The following TRPC5 variants were observed in gnomAD, a reference collection of about 807,000 sequenced individuals.
TRPC5 encodes the protein transient receptor potential cation channel subfamily C member 5.
In TRPC5, 9 loss-of-function variants were observed where a neutral mutation model predicts 56.5. The observed-to-expected ratio is 0.16, with a 90% confidence interval of 0.10 to 0.28. The LOEUF (loss-of-function observed/expected upper bound fraction) is 0.28. Among genes scored for constraint, TRPC5 ranks in the 10% least tolerant of loss-of-function variants. TRPC5 has a pLI of 1.00. For synonymous variants in TRPC5, 282 were observed against 278.5 expected (o/e 1.01, Z -0.13); for missense variants, 469 against 748.9 (o/e 0.63, Z 4.36).
At chrX:111,853,227 G>A (rs910678568) in intron 4 of TRPC5, among the ~76,000 whole-genome samples, 1 of 111,508 alleles carries the variant, frequency 9.0e-6, no homozygotes, top group African/African-American at 3.3e-5. Context: ...GCCATGTGTT[G>A]AAGAGTCCAG....
intron 1 of TRPC5, among the ~76,000 whole-genome samples, chrX:111,969,387 C>G (rs1263555601): frequency 2.7e-5 from 3 of 111,990 alleles, no homozygotes; most frequent in Non-Finnish European, 3.8e-5. Context: ...CCCTCAATAC[C>G]TCCGAGGTAT....
chrX:112,077,682 T>A (rs773238549), intron 1 of TRPC5, among the ~76,000 whole-genome samples: 1 of 111,846 alleles, frequency 8.9e-6, no homozygotes, highest in South Asian at 3.8e-4. Flanking sequence ...GTTTTTCAGA[T>A]CATCCTTCTG....
chrX:112,059,886 A>T (rs1569530372), intron 1 of TRPC5, among the ~76,000 whole-genome samples: 1 of 111,997 alleles, frequency 8.9e-6, no homozygotes, highest in African/African-American at 3.2e-5. Context: ...AAGGGAAGTG[A>T]TATTAAGGTA....
At chrX:111,781,323 CT>C in intron 8 of TRPC5, 117 bp from the exon 9 acceptor site, 1 of 616,082 alleles carries the variant, frequency 1.6e-6, no homozygotes, top group Admixed American at 2.9e-5. Flanking sequence ...ACAGGAGCTC[CT>C]GCCTGACAAA....
At chrX:112,049,462 TAC>T (rs1348169915) in intron 1 of TRPC5, among the ~76,000 whole-genome samples, 1 of 107,038 alleles carries the variant, frequency 9.3e-6, no homozygotes, top group African/African-American at 3.4e-5. Flanking sequence ...CACATATATA[TAC>T]TATACAAAAT....
At chrX:111,835,844 T>C (rs898232924) in intron 6 of TRPC5, among the ~76,000 whole-genome samples, 2 of 111,921 alleles carry the variant, frequency 1.8e-5, no homozygotes, top group African/African-American at 6.5e-5. Flanking sequence ...ATGGAGGAGC[T>C]TGAGGATTCT....
At chrX:112,010,272 G>A (rs1928956715) in intron 1 of TRPC5, among the ~76,000 whole-genome samples, 1 of 112,140 alleles carries the variant, frequency 8.9e-6, no homozygotes, top group Non-Finnish European at 1.9e-5. Flanking sequence ...ATCGTAGCCT[G>A]GTCAAATCCT....
intron 1 of TRPC5, among the ~76,000 whole-genome samples, chrX:111,956,572 G>A (rs1162884218): frequency 9.0e-6 from 1 of 111,457 alleles, no homozygotes; most frequent in African/African-American, 3.3e-5. Context: ...TCCAAAAAGT[G>A]CCTATAGTGG....
chrX:111,812,884 C>G lies in TRPC5; in HGVS notation c.1896+22037G>C, dbSNP rs996711775. 2.7e-5 allele frequency among the ~76,000 whole-genome samples: 3 copies of G among 112,050 alleles called. No individual in the cohort carries two copies. The Admixed American group carries it at 2.8e-4, about 11-fold the overall frequency. ...ATAGAAATCTGTTTTATTTATAACC[C>G]TTGATTTAAACTGAATTATAACATT... On this transcript the variant is annotated intron_variant, in intron 7 of 10. Transcript: ENST00000262839.
intron 1 of TRPC5, among the ~76,000 whole-genome samples, chrX:112,038,049 T>C (rs1373697931): frequency 2.7e-5 from 3 of 111,341 alleles, no homozygotes; most frequent in Non-Finnish European, 5.7e-5. Context: ...GGCAAAACCA[T>C]GCACATGTAT....
At chrX:111,820,446 G>A (rs1283660157) in intron 7 of TRPC5, among the ~76,000 whole-genome samples, 1 of 111,849 alleles carries the variant, frequency 8.9e-6, no homozygotes, top group African/African-American at 3.2e-5. Flanking sequence ...TTGCCCATGA[G>A]CTAAGAATGA....
At chrX:111,853,709 T>C (rs1603057749) in intron 4 of TRPC5, 61 bp downstream of exon 4, 1 of 1,095,579 alleles carries the variant, frequency 9.1e-7, no homozygotes, top group Non-Finnish European at 1.2e-6. Context: ...CCTGTTCTAG[T>C]AGTTTATTTA....
intron 7 of TRPC5, among the ~76,000 whole-genome samples, chrX:111,831,494 G>T (rs1922406061): frequency 9.0e-6 from 1 of 111,565 alleles, no homozygotes; most frequent in African/African-American, 3.3e-5. Flanking sequence ...ATCTTGTGTT[G>T]CCAGGTTTGT....
intron 2 of TRPC5, among the ~76,000 whole-genome samples, chrX:111,918,971 C>T (rs918976189): frequency 4.6e-5 from 5 of 109,512 alleles, no homozygotes; most frequent in South Asian, 3.9e-4. Context: ...AGTGATGACA[C>T]GTATTGGGCT....
intron 1 of TRPC5, among the ~76,000 whole-genome samples, chrX:112,045,386 G>C (rs964264469): frequency 1.8e-5 from 2 of 111,752 alleles, no homozygotes; most frequent in African/African-American, 6.5e-5. Flanking sequence ...TTTTCCCCTA[G>C]AGCCTCTGGA....
In TRPC5 at chrX:111,774,858, C is replaced by T. The variant is rs939701727; in HGVS notation, c.*1455G>A. On this transcript the variant is annotated 3_prime_UTR_variant, in exon 11 of 11. Coordinates refer to ENST00000262839, the MANE Select transcript of TRPC5 (RefSeq NM_012471.3). Reference sequence around the variant, plus strand: ...ACCTATTTTACTTTTCTGGGCTACACACTATTTATGTAATCTCTAGGACTC... The same window carrying T: ...ACCTATTTTACTTTTCTGGGCTACATACTATTTATGTAATCTCTAGGACTC... 5 of 110,417 alleles carry T rather than the reference C, an allele frequency of 4.5e-5. No individual in the cohort carries two copies. The highest frequency in any genetic ancestry group is 1.6e-4 in the African/African-American group (5 of 30,376). The allele number at this position is 110,417 out of a possible 1,213,427, so 9.1% of individuals were successfully genotyped here.
intron 10 of TRPC5, among the ~76,000 whole-genome samples, chrX:111,777,241 T>A (rs950069997): frequency 8.9e-6 from 1 of 111,743 alleles, no homozygotes; most frequent in East Asian, 2.8e-4. Context: ...GCTAACACTT[T>A]AGCAGGGATT....
At chrX:111,884,406 G>A (rs1924373066) in intron 3 of TRPC5, among the ~76,000 whole-genome samples, 1 of 112,402 alleles carries the variant, frequency 8.9e-6, no homozygotes, top group Admixed American at 9.4e-5. Context: ...GGTATACCCA[G>A]GGCCCAAGCC....
At chrX:112,043,270 A>G (rs1387002283) in intron 1 of TRPC5, among the ~76,000 whole-genome samples, 1 of 112,027 alleles carries the variant, frequency 8.9e-6, no homozygotes, top group Non-Finnish European at 1.9e-5. Context: ...TCTTTAATGT[A>G]ACAAATGAAC....
Sources: allele counts gnomAD v4.1 joint callset (sites outside exome capture counted in the v4.1 genomes callset), GRCh38; gene constraint gnomAD v4.1.1; transcripts MANE v1.5; gene names NCBI Gene and HGNC (gene_info 2026-07-23, HGNC 2026-07-21).